PLD5: variants seen among roughly 807,000 people sequenced by gnomAD.
PLD5 encodes phospholipase D family member 5, also known as inactive phospholipase D5.
A neutral mutation model predicts 61.1 loss-of-function variants in PLD5; 36 were observed. The observed-to-expected ratio is 0.59, with a 90% CI of 0.45 to 0.78. PLD5 has a LOEUF of 0.78. Among genes scored for constraint, PLD5 ranks in the 30% least tolerant of loss-of-function variants. The pLI is 0.00. For missense variants in PLD5, 515 were observed against 644.4 expected (o/e 0.80, Z 2.17); for synonymous variants, 243 against 242.8 (o/e 1.00, Z -0.01).
At chr1:242,237,158 G>C (rs1574581873) in intron 4 of PLD5, among the ~76,000 whole-genome samples, 2 of 151,514 alleles carry the variant, frequency 1.3e-5, no homozygotes, top group African/African-American at 4.9e-5. Context: ...ATCACCAAAG[G>C]AAAAAACAAA....
In PLD5 at chr1:242,256,556, G is replaced by A. The variant is rs541932786; in HGVS notation, c.607+8781C>T. Among the ~76,000 whole-genome samples, 97 of 152,132 alleles carry A rather than the reference G, an allele frequency of 6.4e-4. No individual in the cohort carries two copies. Among genetic ancestry groups the A allele is most frequent in the Non-Finnish European group, 1.2e-3 (81 of 68,040 alleles). On this transcript the variant is annotated intron_variant, in intron 4 of 9. Coordinates refer to ENST00000536534, the MANE Select transcript of PLD5 (RefSeq NM_001372062.1). This position sits in a 1 kb window ranked among gnomAD's most constrained non-coding sequence, Gnocchi z 5.7. The stretch of plus-strand genomic sequence containing the variant: ...CTTATCCGCCACGTGAGGACACAGC[G>A]TTTGTTCCCTCTGGGGGATGCAGTA...
intron 2 of PLD5, among the ~76,000 whole-genome samples, chr1:242,331,230 G>A (rs576017273): frequency 3.6e-4 from 55 of 152,280 alleles, no homozygotes; most frequent in African/African-American, 1.1e-3. Context: ...ACAGTTTAGC[G>A]TGCAGCGATT....
At chr1:242,345,427 T>C (rs1380084329) in intron 2 of PLD5, 4 of 510,540 alleles carry the variant, frequency 7.8e-6, no homozygotes, top group Non-Finnish European at 1.4e-5. Flanking sequence ...ATTAAATGTA[T>C]TGATTTGAAG....
chr1:242,346,166 G>T (rs1486314964), intron 2 of PLD5, among the ~76,000 whole-genome samples: 1 of 149,974 alleles, frequency 6.7e-6, no homozygotes, highest in Non-Finnish European at 1.5e-5. Context: ...GGGAGAAGTA[G>T]AATTAAGTCA....
At chr1:242,337,615 G>A (rs1659598899) in intron 2 of PLD5, among the ~76,000 whole-genome samples, 1 of 152,180 alleles carries the variant, frequency 6.6e-6, no homozygotes, top group Admixed American at 6.5e-5. Context: ...AGGGCAACGA[G>A]AGCAAAACAC....
intron 1 of PLD5, among the ~76,000 whole-genome samples, chr1:242,444,254 T>C (rs1003686183): frequency 6.6e-6 from 1 of 152,140 alleles, no homozygotes; most frequent in African/African-American, 2.4e-5. Flanking sequence ...TCCCAAAAAC[T>C]TGTCACCACA....
At chr1:242,482,407 G>A (rs879545609) in intron 1 of PLD5, among the ~76,000 whole-genome samples, 505 of 152,342 alleles carry the variant, frequency 3.3e-3, no homozygotes, top group Non-Finnish European at 5.8e-3. Context: ...ACTATGTGAC[G>A]AATGCACAAG....
At chr1:242,105,516 G>A (rs1660984402) in intron 8 of PLD5, among the ~76,000 whole-genome samples, 1 of 151,710 alleles carries the variant, frequency 6.6e-6, no homozygotes, top group Non-Finnish European at 1.5e-5. Flanking sequence ...GAGCCACTGT[G>A]CCTGGCCTGT....
intron 1 of PLD5, among the ~76,000 whole-genome samples, chr1:242,457,014 T>C (rs1666964495): frequency 6.6e-6 from 1 of 152,218 alleles, no homozygotes; most frequent in African/African-American, 2.4e-5. Context: ...TCGCTTATTC[T>C]GTTTCTCTAA....
intron 3 of PLD5, among the ~76,000 whole-genome samples, chr1:242,269,578 T>C (rs919741546): frequency 5.9e-5 from 9 of 151,264 alleles, no homozygotes; most frequent in African/African-American, 2.2e-4. Context: ...AAGTTTTAAT[T>C]ACATGCATAC....
At chr1:242,348,999 A>T (rs553977920) in intron 1 of PLD5, among the ~76,000 whole-genome samples, 5 of 152,186 alleles carry the variant, frequency 3.3e-5, no homozygotes, top group South Asian at 4.1e-4. Flanking sequence ...GCTTGCAGTG[A>T]GCCAAGATCG....
intron 1 of PLD5, among the ~76,000 whole-genome samples, chr1:242,394,198 ATATATGTG>A (rs1265667374): frequency 9.0e-5 from 5 of 55,646 alleles, no homozygotes; most frequent in African/African-American, 3.4e-4. Flanking sequence ...ATATGAGTAT[ATATATGTG>A]TATATGAGTA....
upstream of PLD5, among the ~76,000 whole-genome samples, chr1:242,527,986 C>G (rs1669484546): frequency 6.6e-6 from 1 of 152,224 alleles, no homozygotes; most frequent in Admixed American, 6.5e-5. Flanking sequence ...GGAGCCACTC[C>G]TGATTCTTTA....
At chr1:242,380,209 A>C (rs975542240) in intron 1 of PLD5, among the ~76,000 whole-genome samples, 3 of 152,220 alleles carry the variant, frequency 2.0e-5, no homozygotes, top group Admixed American at 6.5e-5. Flanking sequence ...GTTAGACAAC[A>C]CACGAGACAA....
intron 4 of PLD5, chr1:242,235,795 G>A (rs1671601529): frequency 1.3e-5 from 2 of 152,164 alleles, no homozygotes; most frequent in Admixed American, 1.3e-4. Flanking sequence ...ACCTCACAGA[G>A]AGGCATGTTG....
chr1:242,247,707 G>A (rs767556979), intron 4 of PLD5, among the ~76,000 whole-genome samples: 7 of 152,286 alleles, frequency 4.6e-5, no homozygotes, highest in Non-Finnish European at 8.8e-5. Context: ...GAGGGGCTCC[G>A]TTCAGCAGGC....
chr1:242,514,164 A>T (rs1192166495), intron 1 of PLD5, among the ~76,000 whole-genome samples: 1 of 152,172 alleles, frequency 6.6e-6, no homozygotes, highest in Non-Finnish European at 1.5e-5. Flanking sequence ...CCAAGTCCTC[A>T]AGCCCATTAA....
intron 9 of PLD5, among the ~76,000 whole-genome samples, chr1:242,096,901 T>TC (rs1430792315): frequency 1.0e-4 from 11 of 109,574 alleles, no homozygotes; most frequent in African/African-American, 3.5e-4. Flanking sequence ...TCCTTCCCCC[T>TC]CCCCCTCCCC....
At chr1:242,526,667 G>A (rs1669455100), upstream of PLD5, among the ~76,000 whole-genome samples, 2 of 152,080 alleles carry the variant, frequency 1.3e-5, no homozygotes, top group South Asian at 2.1e-4. Context: ...CAAGTGATCC[G>A]CCAGCCTCGG....
Sources: allele counts gnomAD v4.1 joint callset (sites outside exome capture counted in the v4.1 genomes callset), GRCh38; gene constraint gnomAD v4.1.1; non-coding constraint Gnocchi (gnomAD v3.1); transcripts MANE v1.5; gene names NCBI Gene and HGNC (gene_info 2026-07-23, HGNC 2026-07-21).